The following ARHGEF16 variants were observed in gnomAD, a reference collection of about 807,000 sequenced individuals.
The protein encoded by ARHGEF16 is Rho guanine nucleotide exchange factor 16, also known as Rho guanine exchange factor (GEF) 16.
A neutral mutation model predicts 74.1 loss-of-function variants in ARHGEF16; 59 were observed. The observed-to-expected ratio is 0.80, with a 90% CI of 0.65 to 0.99. The LOEUF (loss-of-function observed/expected upper bound fraction) is 0.99, where lower values mean the gene tolerates loss of function less well. Ranked by LOEUF, ARHGEF16 falls within the 50% of genes least tolerant of loss-of-function variation. The probability of loss-of-function intolerance (pLI) is 0.00; values close to 1 mark genes in which losing one functional copy is unlikely to be tolerated. For synonymous variants in ARHGEF16, 415 were observed against 412.6 expected, an observed-to-expected ratio of 1.01 and a Z score of -0.07; for missense variants, 948 against 986.6, an observed-to-expected ratio of 0.96 and a Z score of 0.52.
intron 8 of ARHGEF16, chr1:3,474,056 C>G: frequency 5.2e-6 from 1 of 192,138 alleles, no homozygotes; most frequent in East Asian, 1.3e-4. Flanking sequence ...CACGTATGTG[C>G]CCATGTGCAC....
chr1:3,465,900 C>G, intron 2 of ARHGEF16: 1 of 521,192 alleles, frequency 1.9e-6, no homozygotes, highest in Non-Finnish European at 3.4e-6. Flanking sequence ...CTGAGCGTCC[C>G]CTCACGATGA....
chr1:3,472,447 C>G lies in ARHGEF16; in HGVS notation c.1023-631C>G, dbSNP rs867747768. On this transcript the variant is annotated intron_variant, in intron 6 of 14. Coordinates refer to ENST00000378378, the MANE Select transcript of ARHGEF16 (RefSeq NM_014448.4). ...GCCAAGAGCCCACAGCTGGCCCCCC[C>G]CCGGCCTTGACTGTTCCCTCAGAAC... Among the ~76,000 whole-genome samples, 73 of 152,356 alleles carry G rather than the reference C, an allele frequency of 4.8e-4. 1 individual carries two copies. The highest frequency in any genetic ancestry group is 1.5e-3 in the African/African-American group (61 of 41,588).
intron 10 of ARHGEF16, among the ~76,000 whole-genome samples, chr1:3,477,468 G>A (rs577152569): frequency 2.1e-4 from 31 of 148,682 alleles, no homozygotes; most frequent in Non-Finnish European, 4.2e-4. Context: ...TGGCCATCAC[G>A]GGTGGGCCTG....
intron 2 of ARHGEF16, 106 bp downstream of exon 2, chr1:3,463,778 T>C: frequency 1.0e-6 from 1 of 963,492 alleles, no homozygotes; most frequent in Non-Finnish European, 1.4e-6. Flanking sequence ...CTGCCGTTAG[T>C]AAGCACCTGC....
At chr1:3,470,570 G>GGT (rs941545683) in intron 6 of ARHGEF16, among the ~76,000 whole-genome samples, 4 of 147,056 alleles carry the variant, frequency 2.7e-5, no homozygotes, top group Non-Finnish European at 6.0e-5. Context: ...AGTGGGTAGG[G>GGT]GTGTGTGTGA....
Position 3,454,736 on chromosome 1 carries a change from A to C in ARHGEF16, c.-95A>C, listed in dbSNP as rs1473113836. 1 of 152,034 alleles carries C rather than the reference A, an allele frequency of 6.6e-6. No homozygotes were observed. Among genetic ancestry groups the C allele is most frequent in the Admixed American group, 6.5e-5 (1 of 15,278 alleles). 9.4% of individuals were successfully genotyped at this position (152,034 alleles called of 1,614,324 possible). ...GCTGCCGCAGGAGCGAAGCGGCTGC[A>C]GGACAGGACAGGACCCGGCGCTGGA... On this transcript the variant is annotated 5_prime_UTR_variant, in exon 1 of 15. Coordinates refer to ENST00000378378, the MANE Select transcript of ARHGEF16 (RefSeq NM_014448.4).
rs1569882509 is a variant in ARHGEF16, at chr1:3,478,599, T to G, written c.1801T>G (p.Ser601Ala). ...SEGRQEQLLLSSDSASDRARW... is the reference protein window; with the variant it reads ...SEGRQEQLLLASDSASDRARW... ...GGGCCGCCAGGAGCAGCTCCTGCTC[T>G]CCTCGGACTCCGCGTAAGTGGGCTC... Residue 601 changes from serine to alanine, a missense_variant, in exon 12 of 15, where the codon TCC becomes GCC. Transcript: ENST00000378378. 2 of 1,609,728 alleles carry G rather than the reference T, an allele frequency of 1.2e-6. No homozygotes were observed. The highest frequency in any genetic ancestry group is 4.5e-5 in the East Asian group (2 of 44,798).
intron 1 of ARHGEF16, among the ~76,000 whole-genome samples, chr1:3,462,352 G>GTT (rs1478863885): frequency 6.6e-6 from 1 of 152,230 alleles, no homozygotes; most frequent in Non-Finnish European, 1.5e-5. Flanking sequence ...TGTGTGGAAA[G>GTT]GTTCCATGGA....
chr1:3,470,449 TTGTG>T (rs1176083825), intron 6 of ARHGEF16, among the ~76,000 whole-genome samples: 1 of 140,224 alleles, frequency 7.1e-6, no homozygotes, highest in South Asian at 2.4e-4. Flanking sequence ...GTATGCATGG[TTGTG>T]TGTGCGCGGG....
chr1:3,469,341 C>T, intron 5 of ARHGEF16, 92 bp from the exon 6 acceptor site: 1 of 1,478,708 alleles, frequency 6.8e-7, no homozygotes, highest in East Asian at 2.3e-5. Flanking sequence ...GCCCCTGCCA[C>T]CCGGGTCACG....
chr1:3,474,479 C>A, intron 8 of ARHGEF16: 1 of 516,932 alleles, frequency 1.9e-6, no homozygotes, highest in Non-Finnish European at 3.5e-6. Context: ...GGGAAGGGTT[C>A]CAGGCAGGGG....
chr1:3,461,030 AG>A (rs1639380502), intron 1 of ARHGEF16, among the ~76,000 whole-genome samples: 1 of 152,200 alleles, frequency 6.6e-6, no homozygotes, highest in African/African-American at 2.4e-5. Flanking sequence ...ACCTCCCTGC[AG>A]GAAGTGACTT....
rs750388888 is a variant in ARHGEF16, at chr1:3,469,544, C to T, written c.973C>T (p.His325Tyr). 2.3e-5 allele frequency: 37 copies of T among 1,613,012 alleles called. No homozygotes were observed. The highest frequency in any genetic ancestry group is 2.3e-5 in the Non-Finnish European group (27 of 1,180,000). ...GCGGGCGACCGTGACCCAGATGGAG[C>T]ACCACCACCTCTTCTCCAACATCCT... ...ELRATVTQME[H>Y]HHLFSNILDV... Residue 325 changes from histidine (H) to tyrosine (Y), a missense_variant, in exon 6 of 15, where the codon CAC becomes TAC. His to Tyr is a moderately conservative substitution (Grantham distance 83). Coordinates refer to ENST00000378378, the MANE Select transcript of ARHGEF16 (RefSeq NM_014448.4).
At chr1:3,472,441 C>A in intron 6 of ARHGEF16, among the ~76,000 whole-genome samples, 1 of 106,468 alleles carries the variant, frequency 9.4e-6, no homozygotes, top group Admixed American at 1.0e-4. Context: ...CCACAGCTGG[C>A]CCCCCCCCGG....
chr1:3,468,660 G>A (rs557806616), intron 4 of ARHGEF16: 2 of 573,286 alleles, frequency 3.5e-6, no homozygotes, highest in Admixed American at 2.9e-5. Flanking sequence ...TCTGGCGGCT[G>A]GGGGGAGCGG....
At chr1:3,479,971 G>T (rs897653571) in intron 14 of ARHGEF16, 58 bp downstream of exon 14, 8 of 1,552,158 alleles carry the variant, frequency 5.2e-6, no homozygotes, top group South Asian at 1.1e-5. Flanking sequence ...GCGTGAGTCA[G>T]CGTCCAGCCT....
rs572384127 is a variant in ARHGEF16 at position 3,464,114 on chromosome 1, G to A, written c.588+442G>A. On this transcript the variant is annotated intron_variant, in intron 2 of 14. Coordinates refer to ENST00000378378, the MANE Select transcript of ARHGEF16 (RefSeq NM_014448.4). The stretch of plus-strand genomic sequence containing the variant: ...AGGGACTGAAGCGGGGCAGCTGTGC[G>A]GTGGCCTGGGGCTTAGGAGAAGTCT... Among the ~76,000 whole-genome samples, 6 of 151,246 alleles carry A rather than the reference G, an allele frequency of 4.0e-5. No individual in the cohort carries two copies. In the South Asian group the frequency reaches 1.1e-3, roughly 27 times the overall value.
Position 3,468,870 on chromosome 1 carries a change from G to A in ARHGEF16, c.805-10G>A. The A allele has an allele frequency of 1.9e-6, 3 of 1,550,386 alleles. No individual in the cohort carries two copies. The highest frequency in any genetic ancestry group is 2.6e-6 in the Non-Finnish European group (3 of 1,146,844). The stretch of plus-strand genomic sequence containing the variant: ...TGTGACCGAGAGCTCCTGGGCCTGT[G>A]TCCCCCCAGGTGGTGGAATTGGGCA... On this transcript the variant is annotated splice_polypyrimidine_tract_variant and intron_variant, in intron 4 of 14. Coordinates refer to ENST00000378378, the MANE Select transcript of ARHGEF16 (RefSeq NM_014448.4).
intron 8 of ARHGEF16, 79 bp downstream of exon 8, chr1:3,473,601 T>C (rs775296266): frequency 6.3e-7 from 1 of 1,585,664 alleles, no homozygotes; most frequent in Non-Finnish European, 8.6e-7. Flanking sequence ...GGATGGAGCA[T>C]TACGTGCTTG....
Sources: allele counts gnomAD v4.1 joint callset (sites outside exome capture counted in the v4.1 genomes callset), GRCh38; gene constraint gnomAD v4.1.1; transcripts MANE v1.5; gene names NCBI Gene and HGNC (gene_info 2026-07-23, HGNC 2026-07-21).